The following CARD8 variants were observed in gnomAD, a reference collection of about 807,000 sequenced individuals.
CARD8 encodes caspase recruitment domain family member 8.
In CARD8, 38 loss-of-function variants were observed where a neutral mutation model predicts 53.2. The ratio of observed to expected loss-of-function variants is 0.71; its 90% CI spans 0.55 to 0.94. The LOEUF (loss-of-function observed/expected upper bound fraction) is 0.94. Ranked by LOEUF, CARD8 falls within the 40% of genes least tolerant of loss-of-function variation. The probability of loss-of-function intolerance (pLI) is 0.00; values close to 1 mark genes in which losing one functional copy is unlikely to be tolerated. For missense variants in CARD8, 561 were observed against 655.5 expected, an observed-to-expected ratio of 0.86 and a Z score of 1.57; for synonymous variants, 245 against 244.9, an observed-to-expected ratio of 1.00 and a Z score of 0.00.
intron 4 of CARD8, 56 bp downstream of exon 4, chr19:48,240,906 A>C (rs1292897231): frequency 2.5e-5 from 34 of 1,348,904 alleles, no homozygotes; most frequent in Non-Finnish European, 3.0e-5. Flanking sequence ...ATGAACTATA[A>C]CGAAACACAG....
intron 3 of CARD8, 108 bp from the exon 4 acceptor site, chr19:48,241,171 C>T (rs2044965740): frequency 1.9e-5 from 12 of 639,358 alleles, no homozygotes; most frequent in South Asian, 5.7e-5. Context: ...TGCTCATTCA[C>T]AAGAGATGCA....
At chr19:48,239,250 G>A (rs923714668) in intron 4 of CARD8, among the ~76,000 whole-genome samples, 1 of 152,154 alleles carries the variant, frequency 6.6e-6, no homozygotes, top group African/African-American at 2.4e-5. Context: ...ACTCAGCAGT[G>A]ACAGACCTGT....
intron 11 of CARD8, among the ~76,000 whole-genome samples, chr19:48,220,105 A>G (rs2145673929): frequency 6.6e-6 from 1 of 152,318 alleles, no homozygotes; most frequent in South Asian, 2.1e-4. Flanking sequence ...AGGTTCTGCA[A>G]CAGCCAAGAA....
intron 3 of CARD8, among the ~76,000 whole-genome samples, chr19:48,243,171 C>G (rs1387648366): frequency 6.6e-6 from 1 of 152,124 alleles, no homozygotes. Flanking sequence ...AGCCATGACG[C>G]CTGGCTAATT....
intron 13 of CARD8, among the ~76,000 whole-genome samples, chr19:48,214,370 C>CA (rs2145365154): frequency 6.6e-6 from 1 of 152,320 alleles, no homozygotes; most frequent in South Asian, 2.1e-4. Flanking sequence ...CGTCTCCTGA[C>CA]AGAGAGAAAA....
chr19:48,230,973 C>G lies in CARD8; in HGVS notation c.576G>C (p.Trp192Cys). The G allele has an allele frequency of 1.9e-6, 3 of 1,614,118 alleles. No individual in the cohort carries two copies. The South Asian group carries it at 3.3e-5, about 18-fold the overall frequency. ...VWFPTAGWYL[W>C]SATGLGFLVR... is the part of the protein sequence containing the mutation. ...CCAGGAAGCCGAGGCCTGTGGCTGACCACAGATACCAGCCAGCAGTGGGGA... is the reference window on the plus strand; with the variant it reads ...CCAGGAAGCCGAGGCCTGTGGCTGAGCACAGATACCAGCCAGCAGTGGGGA... Residue 192 changes from tryptophan to cysteine, a missense_variant, in exon 9 of 14, where the codon TGG (tryptophan) becomes TGC (cysteine). By Grantham distance (215) the Trp-to-Cys change is radical. Coordinates refer to ENST00000651546, the MANE Select transcript of CARD8 (RefSeq NM_001184900.3).
chr19:48,237,354 A>G (rs1174235783), intron 5 of CARD8, among the ~76,000 whole-genome samples: 1 of 152,032 alleles, frequency 6.6e-6, no homozygotes, highest in Non-Finnish European at 1.5e-5. Flanking sequence ...GAAGCCACTT[A>G]TCACCAAAGG....
intron 10 of CARD8, among the ~76,000 whole-genome samples, chr19:48,223,268 T>C (rs2145836805): frequency 6.7e-6 from 1 of 150,114 alleles, no homozygotes; most frequent in Admixed American, 6.6e-5. Flanking sequence ...CGCACCACTG[T>C]ACTCCAGCCT....
intron 3 of CARD8, chr19:48,242,466 T>C (rs971325971): frequency 2.0e-5 from 3 of 152,270 alleles, no homozygotes; most frequent in African/African-American, 7.2e-5. Context: ...AAACAATATA[T>C]TGTCCTTTGT....
intron 10 of CARD8, among the ~76,000 whole-genome samples, chr19:48,222,253 C>G (rs2040802401): frequency 6.6e-6 from 1 of 152,204 alleles, no homozygotes; most frequent in Non-Finnish European, 1.5e-5. Context: ...TGTCTGTGAA[C>G]ACGTCTATGA....
At chr19:48,246,332 C>T (rs2046103008) in intron 3 of CARD8, among the ~76,000 whole-genome samples, 1 of 152,148 alleles carries the variant, frequency 6.6e-6, no homozygotes, top group Non-Finnish European at 1.5e-5. Flanking sequence ...ATCCTATATA[C>T]TCCTGCCCCA....
At chr19:48,223,133 A>G (rs1426067745) in intron 10 of CARD8, among the ~76,000 whole-genome samples, 2 of 151,886 alleles carry the variant, frequency 1.3e-5, no homozygotes, top group Non-Finnish European at 2.9e-5. Flanking sequence ...GTGAAACCCC[A>G]TGTCTACTAA....
In CARD8 at chr19:48,217,997, C is replaced by T. The variant is rs200728461; in HGVS notation, c.1303+874G>A. Among the ~76,000 whole-genome samples the T allele has an allele frequency of 1.8e-4, 27 of 152,196 alleles. No homozygotes were observed. The East Asian group carries it at 5.2e-3, about 29-fold the overall frequency. Reference sequence around the variant, plus strand: ...GTGAAGAAAGTGGAACTAAATAGTCCTTATGTTTCTTCTGACTCTTAGAAT... The same window carrying T: ...GTGAAGAAAGTGGAACTAAATAGTCTTTATGTTTCTTCTGACTCTTAGAAT... On this transcript the variant is annotated intron_variant, in intron 12 of 13. Transcript: ENST00000651546.
Position 48,222,550 on chromosome 19 carries a change from G to A in CARD8, c.1036-695C>T, listed in dbSNP as rs143032331. 4.1e-3 allele frequency among the ~76,000 whole-genome samples: 623 copies of A among 152,268 alleles called. 2 individuals are homozygous for A. Among genetic ancestry groups the A allele is most frequent in the African/African-American group, 0.014 (589 of 41,566 alleles). On this transcript the variant is annotated intron_variant, in intron 10 of 13. Transcript: ENST00000651546. ...CTAAAAATATAAAAATTAGCCGGGC[G>A]TGGTGGCGGGCGCCTGTAATCCCAG...
intron 10 of CARD8, among the ~76,000 whole-genome samples, chr19:48,225,940 C>A (rs761395768): frequency 1.3e-4 from 19 of 151,512 alleles, no homozygotes; most frequent in Non-Finnish European, 2.1e-4. Flanking sequence ...ATAGTCCCAG[C>A]TACTCAGGAG....
intron 4 of CARD8, among the ~76,000 whole-genome samples, chr19:48,238,963 A>G (rs1238343412): frequency 2.0e-5 from 3 of 152,186 alleles, no homozygotes; most frequent in Non-Finnish European, 4.4e-5. Context: ...TTGATTCTCA[A>G]TCCCTGATGT....
chr19:48,227,197 G>A (rs1187048655), intron 10 of CARD8, among the ~76,000 whole-genome samples: 2 of 152,196 alleles, frequency 1.3e-5, no homozygotes, highest in African/African-American at 4.8e-5. Flanking sequence ...GAATGGGGAA[G>A]AGAGTTGAAT....
intron 6 of CARD8, chr19:48,233,677 C>T (rs2043333446): frequency 8.7e-6 from 2 of 230,364 alleles, no homozygotes; most frequent in African/African-American, 4.6e-5. Flanking sequence ...GAACTGCAGA[C>T]AGCGCATCCC....
chr19:48,232,385 C>A, intron 7 of CARD8, 68 bp downstream of exon 7: 2 of 1,396,844 alleles, frequency 1.4e-6, no homozygotes, highest in Admixed American at 2.0e-5. Flanking sequence ...TTGTCTTCTT[C>A]ACATAAAATC....
Sources: allele counts gnomAD v4.1 joint callset (sites outside exome capture counted in the v4.1 genomes callset), GRCh38; gene constraint gnomAD v4.1.1; transcripts MANE v1.5; gene names NCBI Gene and HGNC (gene_info 2026-07-23, HGNC 2026-07-21).